Variants in ENTREP2 observed in about 807,000 individuals in gnomAD.
ENTREP2 encodes the protein endosomal transmembrane epsin interactor 2.
chr15:29,118,901 G>C, the ENTREP2 span, among the ~76,000 whole-genome samples: 1 of 152,208 alleles, frequency 6.6e-6, no homozygotes, highest in Non-Finnish European at 1.5e-5. Flanking sequence ...CTGGGGTCCA[G>C]CTGGGTTAGG....
At chr15:29,234,577 T>TA in the ENTREP2 span, 2 of 1,474,300 alleles carry the variant, frequency 1.4e-6, 1 homozygote, top group Middle Eastern at 3.9e-4. Flanking sequence ...GACAGCTAAT[T>TA]AAAATATCAT....
the ENTREP2 span, among the ~76,000 whole-genome samples, chr15:29,192,362 G>A: frequency 6.6e-6 from 1 of 152,200 alleles, no homozygotes; most frequent in African/African-American, 2.4e-5. Context: ...GAAAAATGAT[G>A]TAGAACATTA....
the ENTREP2 span, among the ~76,000 whole-genome samples, chr15:29,614,659 A>G: frequency 6.6e-6 from 1 of 152,192 alleles, no homozygotes; most frequent in Non-Finnish European, 1.5e-5. Context: ...GGTCCCATTC[A>G]GATCCCATTT....
the ENTREP2 span, among the ~76,000 whole-genome samples, chr15:29,673,302 C>G: frequency 1.3e-5 from 2 of 152,146 alleles, no homozygotes; most frequent in Non-Finnish European, 2.9e-5. Flanking sequence ...TTGTACTGAC[C>G]TCTTACCTCA....
the ENTREP2 span, among the ~76,000 whole-genome samples, chr15:29,158,405 CTTTT>C: frequency 5.6e-4 from 75 of 133,144 alleles, 1 homozygote; most frequent in Admixed American, 4.7e-3. Flanking sequence ...TTATCTCTGC[CTTTT>C]TTTTTTTTTT....
At chr15:29,285,703 G>A in the ENTREP2 span, among the ~76,000 whole-genome samples, 1 of 152,162 alleles carries the variant, frequency 6.6e-6, no homozygotes, top group Non-Finnish European at 1.5e-5. Context: ...AATCCCCATT[G>A]TGTCTTATGA....
the ENTREP2 span, among the ~76,000 whole-genome samples, chr15:29,396,986 T>A: frequency 6.6e-6 from 1 of 152,138 alleles, no homozygotes; most frequent in Non-Finnish European, 1.5e-5. Flanking sequence ...ATTAGTTCCC[T>A]CCCACAAACC....
the ENTREP2 span, among the ~76,000 whole-genome samples, chr15:29,176,045 T>C: frequency 4.6e-5 from 7 of 152,238 alleles, no homozygotes; most frequent in Non-Finnish European, 1.0e-4. Flanking sequence ...CTAAAAAGAA[T>C]GAAGAGACAC....
chr15:29,270,043 C>T, the ENTREP2 span, among the ~76,000 whole-genome samples: 1 of 151,984 alleles, frequency 6.6e-6, no homozygotes, highest in African/African-American at 2.4e-5. Flanking sequence ...CACACAGGCT[C>T]AGGCAAGTTT....
the ENTREP2 span, among the ~76,000 whole-genome samples, chr15:29,381,477 A>G: frequency 6.7e-6 from 1 of 150,140 alleles, no homozygotes; most frequent in Admixed American, 6.6e-5. Flanking sequence ...AAAAAAAAAA[A>G]AAAGCCCTTG....
the ENTREP2 span, among the ~76,000 whole-genome samples, chr15:29,555,054 A>T: frequency 1.6e-4 from 25 of 152,360 alleles, no homozygotes; most frequent in African/African-American, 6.0e-4. Flanking sequence ...AAACAGCTAC[A>T]TGAGACACTG....
the ENTREP2 span, among the ~76,000 whole-genome samples, chr15:29,644,179 G>A: frequency 3.9e-5 from 6 of 152,282 alleles, no homozygotes; most frequent in Non-Finnish European, 5.9e-5. Context: ...AAGGAAACTC[G>A]TTCCAAAAGA....
chr15:29,362,839 A>AT, the ENTREP2 span, among the ~76,000 whole-genome samples: 1 of 152,148 alleles, frequency 6.6e-6, no homozygotes, highest in African/African-American at 2.4e-5. Flanking sequence ...AAAAATTAGT[A>AT]TTTTATCAAC....
At chr15:29,243,405 T>C in the ENTREP2 span, among the ~76,000 whole-genome samples, 1 of 152,090 alleles carries the variant, frequency 6.6e-6, no homozygotes. Context: ...TGAGCGATGA[T>C]TAGGTTAAAG....
the ENTREP2 span, chr15:29,121,280 C>G: frequency 6.6e-6 from 1 of 152,296 alleles, no homozygotes; most frequent in Non-Finnish European, 1.5e-5. Context: ...TCCAGTAGGC[C>G]TCTGCCCCGG....
the ENTREP2 span, among the ~76,000 whole-genome samples, chr15:29,589,021 G>A: frequency 6.6e-6 from 1 of 151,414 alleles, no homozygotes; most frequent in Non-Finnish European, 1.5e-5. Context: ...AGAAAAAAAA[G>A]GCTAAACTAC....
At chr15:29,635,841 G>A in the ENTREP2 span, among the ~76,000 whole-genome samples, 2 of 152,292 alleles carry the variant, frequency 1.3e-5, no homozygotes, top group East Asian at 3.9e-4. Flanking sequence ...CCACTGCTGA[G>A]GCAAGGAAAA....
the ENTREP2 span, among the ~76,000 whole-genome samples, chr15:29,230,638 T>A: frequency 6.6e-6 from 1 of 151,954 alleles, no homozygotes; most frequent in Admixed American, 6.6e-5. Context: ...AAAAAATGAG[T>A]AGAAGTCGCT....
the ENTREP2 span, among the ~76,000 whole-genome samples, chr15:29,302,683 G>A: frequency 2.6e-5 from 4 of 151,978 alleles, no homozygotes; most frequent in African/African-American, 7.2e-5. Context: ...CATAGAAAAC[G>A]GAAAAAGAGG....
Sources: allele counts gnomAD v4.1 joint callset (sites outside exome capture counted in the v4.1 genomes callset), GRCh38; gene constraint gnomAD v4.1.1; transcripts MANE v1.5; gene names NCBI Gene and HGNC (gene_info 2026-07-23, HGNC 2026-07-21).